The following FAF2 variants were observed in gnomAD, a reference collection of about 807,000 sequenced individuals.
FAF2 encodes Fas associated factor family member 2, also known as FAS-associated factor 2.
Under a neutral mutation model 62.3 loss-of-function variants are expected in FAF2, and 9 were observed. The ratio of observed to expected loss-of-function variants is 0.14; its 90% CI spans 0.09 to 0.25. The LOEUF is 0.25. FAF2 is among the 10% of genes least tolerant of loss of function. The pLI is 1.00. For missense variants in FAF2, 368 were observed against 556.2 expected (o/e 0.66, Z 3.40); for synonymous variants, 202 against 198.0 (o/e 1.02, Z -0.17).
Position 176,507,119 on chromosome 5 carries a change from A to C in FAF2, c.*169A>C. 2.9e-6 allele frequency: 1 copy of C among 339,600 alleles called. No individual in the cohort carries two copies. The highest frequency in any genetic ancestry group is 4.7e-6 in the Non-Finnish European group (1 of 213,462). The allele number at this position is 339,600 out of a possible 1,614,324, so 21.0% of individuals were successfully genotyped here. A position where few individuals can be genotyped will look rare whatever the true frequency, so the allele number is the denominator to read the frequency against. ...CTGCTGCATCCTTAGGAAGGATCAG[A>C]AACCATGCTGCCCGTAAGAGTCACA... On this transcript the variant is annotated 3_prime_UTR_variant, in exon 11 of 11. Transcript: ENST00000261942.
At chr5:176,475,854 A>G (rs1416684618) in intron 1 of FAF2, among the ~76,000 whole-genome samples, 2 of 152,186 alleles carry the variant, frequency 1.3e-5, no homozygotes, top group African/African-American at 4.8e-5. Flanking sequence ...TTTAAGAACA[A>G]ACACTGCTTC....
At chr5:176,460,786 A>G (rs1435782520) in intron 1 of FAF2, among the ~76,000 whole-genome samples, 1 of 151,794 alleles carries the variant, frequency 6.6e-6, no homozygotes, top group Non-Finnish European at 1.5e-5. Flanking sequence ...CCCCAACTGT[A>G]CCAAAAATCC....
At chr5:176,448,899 C>G (rs1025386789) in intron 1 of FAF2, among the ~76,000 whole-genome samples, 5 of 152,214 alleles carry the variant, frequency 3.3e-5, no homozygotes, top group Admixed American at 6.5e-5. Context: ...TTTCCACATA[C>G]ACTCCCACAA....
chr5:176,479,865 T>G (rs755891704), intron 2 of FAF2, among the ~76,000 whole-genome samples: 1 of 152,208 alleles, frequency 6.6e-6, no homozygotes, highest in Non-Finnish European at 1.5e-5. Flanking sequence ...CCCGGCTAAT[T>G]TGTATTTTTA....
intron 2 of FAF2, among the ~76,000 whole-genome samples, chr5:176,481,448 G>A (rs1758782207): frequency 6.6e-6 from 1 of 152,086 alleles, no homozygotes; most frequent in African/African-American, 2.4e-5. Flanking sequence ...ACGAGGTCAG[G>A]AGAACGAGAT....
rs1228489431 is a variant in FAF2, at chr5:176,507,337, A to C, written c.*387A>C. On this transcript the variant is annotated 3_prime_UTR_variant, in exon 11 of 11. Transcript: ENST00000261942. The stretch of plus-strand genomic sequence containing the variant: ...CTTTTATGAAAAATAAAAGTGAAAA[A>C]CCTCCATCAACCAGCTACTTGCAGC... 1.1e-5 allele frequency: 5 copies of C among 452,728 alleles called. No homozygotes were observed. The highest frequency in any genetic ancestry group is 2.2e-5 in the Non-Finnish European group (5 of 225,248). 28.0% of individuals were successfully genotyped at this position (452,728 alleles called of 1,614,324 possible). A position where few individuals can be genotyped will look rare whatever the true frequency, so the allele number is the denominator to read the frequency against.
chr5:176,477,186 C>G (rs1461641979), intron 1 of FAF2, among the ~76,000 whole-genome samples: 1 of 131,674 alleles, frequency 7.6e-6, no homozygotes, highest in African/African-American at 2.9e-5. Context: ...ACCTCATGAT[C>G]TGACCGCCTC....
intron 10 of FAF2, among the ~76,000 whole-genome samples, chr5:176,506,058 G>T (rs976708984): frequency 6.6e-6 from 1 of 151,928 alleles, no homozygotes; most frequent in Non-Finnish European, 1.5e-5. Context: ...AGGCGTGGTG[G>T]CGGGCGCTTG....
At chr5:176,451,883 T>TAC (rs1758189089) in intron 1 of FAF2, among the ~76,000 whole-genome samples, 5 of 27,304 alleles carry the variant, frequency 1.8e-4, no homozygotes, top group South Asian at 2.9e-3. Context: ...CACATATATA[T>TAC]ATATATATAT....
chr5:176,475,767 TAA>T (rs776213068), intron 1 of FAF2, among the ~76,000 whole-genome samples: 40 of 133,530 alleles, frequency 3.0e-4, no homozygotes, highest in Admixed American at 4.5e-4. Flanking sequence ...AGACTTCGTC[TAA>T]AAAAAAAAAA....
At chr5:176,467,317 T>G (rs1388725027) in intron 1 of FAF2, among the ~76,000 whole-genome samples, 6 of 152,058 alleles carry the variant, frequency 3.9e-5, no homozygotes, top group Admixed American at 1.3e-4. Flanking sequence ...TAGATGTCAG[T>G]AGACTTTTTT....
At position 176,506,359 on chromosome 5, in the gene FAF2, A is replaced by G. The variant is rs532407916; in HGVS notation, c.1156-409A>G. ...TTGTGGTTATATAGAAGATTGTCCT[A>G]TTAGTCCGTGATCACCTCAGAATAC... On this transcript the variant is annotated intron_variant, in intron 10 of 10. Transcript: ENST00000261942. 1.6e-3 allele frequency among the ~76,000 whole-genome samples: 249 copies of G among 152,284 alleles called. 1 individual carries two copies. Among genetic ancestry groups the G allele is most frequent in the African/African-American group, 5.7e-3 (235 of 41,578 alleles).
intron 1 of FAF2, among the ~76,000 whole-genome samples, chr5:176,472,397 A>G (rs572365930): frequency 6.6e-6 from 1 of 150,648 alleles, no homozygotes; most frequent in African/African-American, 2.4e-5. Flanking sequence ...TGCCCACCTC[A>G]GCCTCCCAAA....
At chr5:176,488,875 G>A (rs1306253631) in intron 3 of FAF2, 76 bp from the exon 4 acceptor site, 1 of 1,219,174 alleles carries the variant, frequency 8.2e-7, no homozygotes, top group African/African-American at 1.5e-5. Flanking sequence ...AAAAGAGTGA[G>A]AAAATCTGAC....
chr5:176,464,281 TGTG>T (rs1256371498), intron 1 of FAF2, among the ~76,000 whole-genome samples: 1 of 152,078 alleles, frequency 6.6e-6, no homozygotes, highest in Non-Finnish European at 1.5e-5. Context: ...TAAAGAATAT[TGTG>T]GGGGGTTTTT....
chr5:176,497,284 A>T (rs1581074603), intron 8 of FAF2, among the ~76,000 whole-genome samples: 1 of 152,216 alleles, frequency 6.6e-6, no homozygotes, highest in African/African-American at 2.4e-5. Flanking sequence ...ATTCCTCTCC[A>T]TTACATAAGT....
intron 2 of FAF2, among the ~76,000 whole-genome samples, chr5:176,484,080 G>T (rs1304688740): frequency 1.4e-5 from 2 of 147,852 alleles, no homozygotes; most frequent in African/African-American, 5.0e-5. Flanking sequence ...CTCAAAAAAA[G>T]AAAAAAAAAG....
At chr5:176,505,597 CTT>C (rs1286101914) in intron 10 of FAF2, among the ~76,000 whole-genome samples, 1 of 152,126 alleles carries the variant, frequency 6.6e-6, no homozygotes, top group African/African-American at 2.4e-5. Flanking sequence ...TATTTGTAGT[CTT>C]TTATCCCTCA....
intron 1 of FAF2, chr5:176,453,671 G>C (rs1010976457): frequency 2.0e-5 from 3 of 152,038 alleles, no homozygotes; most frequent in African/African-American, 7.2e-5. Flanking sequence ...GAAAATCCAG[G>C]CAAACATGAC....
Sources: gnomAD v4.1 joint callset for allele counts (sites outside exome capture counted in the v4.1 genomes callset) on GRCh38, gnomAD v4.1.1 for gene constraint, MANE v1.5 for transcripts, NCBI Gene and HGNC (gene_info 2026-07-23, HGNC 2026-07-21) for gene names.